CCDC102B: variants seen among roughly 807,000 people sequenced by gnomAD.
CCDC102B encodes the protein coiled-coil domain-containing protein 102B.
In CCDC102B, 75 loss-of-function variants were observed where a neutral mutation model predicts 57.4. The ratio of observed to expected loss-of-function variants is 1.31; its 90% CI spans 1.08 to 1.58. The LOEUF (loss-of-function observed/expected upper bound fraction) is 1.58. Among genes scored for constraint, CCDC102B ranks in the 40% most tolerant of loss-of-function variants. The pLI, the probability that CCDC102B is intolerant of heterozygous loss-of-function variation, is 0.00. For missense variants in CCDC102B, 636 were observed against 582.6 expected, an observed-to-expected ratio of 1.09 and a Z score of -0.94; for synonymous variants, 206 against 201.9, an observed-to-expected ratio of 1.02 and a Z score of -0.17.
chr18:68,995,667 G>T (rs553233044), intron 6 of CCDC102B, among the ~76,000 whole-genome samples: 1 of 152,108 alleles, frequency 6.6e-6, no homozygotes, highest in East Asian at 1.9e-4. Context: ...CAATGTCCAA[G>T]CAGAAGTTTG....
intron 7 of CCDC102B, among the ~76,000 whole-genome samples, chr18:69,038,947 A>G (rs779081578): frequency 3.3e-5 from 5 of 151,898 alleles, no homozygotes; most frequent in Non-Finnish European, 7.4e-5. Flanking sequence ...ACACATTTTT[A>G]TTAAATACTA....
intron 5 of CCDC102B, among the ~76,000 whole-genome samples, chr18:68,895,020 T>C (rs1418339550): frequency 6.6e-6 from 1 of 151,908 alleles, no homozygotes; most frequent in Non-Finnish European, 1.5e-5. Context: ...TTGCTCTCCT[T>C]ATATTAATTT....
intron 2 of CCDC102B, chr18:68,716,712 T>C (rs2032022860): frequency 6.6e-6 from 1 of 152,246 alleles, no homozygotes; most frequent in East Asian, 1.9e-4. Flanking sequence ...GGCAGGAGGA[T>C]TGCTTGAGGT....
chr18:69,016,496 ATAGATAAAG>A (rs1599852757), intron 7 of CCDC102B, among the ~76,000 whole-genome samples: 1 of 152,192 alleles, frequency 6.6e-6, no homozygotes, highest in East Asian at 1.9e-4. Context: ...TCATGCAAAA[ATAGATAAAG>A]GGGAAAAATC....
At chr18:69,018,386 C>A (rs957287461) in intron 7 of CCDC102B, among the ~76,000 whole-genome samples, 1 of 152,160 alleles carries the variant, frequency 6.6e-6, no homozygotes, top group African/African-American at 2.4e-5. Flanking sequence ...AATTTAGATT[C>A]TCACCAATAG....
At chr18:69,004,216 A>G (rs2051280336) in intron 6 of CCDC102B, among the ~76,000 whole-genome samples, 1 of 152,162 alleles carries the variant, frequency 6.6e-6, no homozygotes, top group African/African-American at 2.4e-5. Flanking sequence ...TGGGAAGCAG[A>G]TTCTGGAGAT....
rs112851670 is a variant in CCDC102B, at chr18:69,036,467, A to G, written c.1435-17563A>G. Among the ~76,000 whole-genome samples the G allele has an allele frequency of 1.3e-3, 201 of 152,236 alleles. 1 individual carries two copies. The highest frequency in any genetic ancestry group is 4.5e-3 in the African/African-American group (185 of 41,546). On this transcript the variant is annotated intron_variant, in intron 7 of 7. Transcript: ENST00000360242. ...AGGAATTATTCTGTACACAAAGTAA[A>G]TATTGAATTGGATTCATCTGGCATA...
chr18:68,911,683 C>A (rs112310400), intron 6 of CCDC102B, among the ~76,000 whole-genome samples: 8 of 126,362 alleles, frequency 6.3e-5, no homozygotes, highest in African/African-American at 2.3e-4. Context: ...ACCCGGGAGG[C>A]GGAGCTTGCA....
chr18:69,046,119 A>G (rs1033319299), intron 7 of CCDC102B, among the ~76,000 whole-genome samples: 6 of 152,122 alleles, frequency 3.9e-5, no homozygotes, highest in African/African-American at 1.2e-4. Context: ...ATACCCAACA[A>G]TGGGATTGCT....
intron 6 of CCDC102B, among the ~76,000 whole-genome samples, chr18:68,939,447 A>G (rs1403428946): frequency 4.0e-5 from 6 of 151,752 alleles, no homozygotes; most frequent in Admixed American, 3.3e-4. Flanking sequence ...TATTCCAAAC[A>G]TCATTCTTGA....
chr18:68,857,287 T>TAA (rs1223372782), intron 4 of CCDC102B, among the ~76,000 whole-genome samples: 743 of 7,994 alleles, frequency 0.093, 105 homozygotes, highest in African/African-American at 0.13. Flanking sequence ...AATATATATT[T>TAA]ATATATTATA....
chr18:68,950,453 G>A (rs867331131), intron 6 of CCDC102B, among the ~76,000 whole-genome samples: 7 of 152,010 alleles, frequency 4.6e-5, no homozygotes, highest in Middle Eastern at 3.4e-3. Flanking sequence ...AATGAAAATT[G>A]GCTAAAAGAA....
intron 6 of CCDC102B, among the ~76,000 whole-genome samples, chr18:68,959,651 A>G (rs1368992006): frequency 6.6e-6 from 1 of 152,052 alleles, no homozygotes; most frequent in Non-Finnish European, 1.5e-5. Flanking sequence ...AGGGGCAGCC[A>G]GTAATCTACT....
chr18:68,725,312 A>G (rs1335710207), intron 2 of CCDC102B, among the ~76,000 whole-genome samples: 1 of 152,232 alleles, frequency 6.6e-6, no homozygotes, highest in Non-Finnish European at 1.5e-5. Context: ...CTATTGCTGC[A>G]GTTTAAAGCA....
intron 6 of CCDC102B, among the ~76,000 whole-genome samples, chr18:68,913,841 T>C (rs572273604): frequency 6.6e-6 from 1 of 152,140 alleles, no homozygotes; most frequent in Non-Finnish European, 1.5e-5. Flanking sequence ...TTATTTCCAA[T>C]ATATGAATAA....
chr18:68,897,609 A>G, intron 6 of CCDC102B, 181 bp downstream of exon 6: 1 of 1,551,250 alleles, frequency 6.4e-7, no homozygotes, highest in African/African-American at 1.4e-5. Context: ...ATCTGAAACA[A>G]AGTGTGTCAA....
intron 1 of CCDC102B, among the ~76,000 whole-genome samples, chr18:68,803,401 G>GA (rs1437006486): frequency 1.3e-5 from 2 of 151,990 alleles, no homozygotes; most frequent in East Asian, 3.9e-4. Context: ...AGTACTGGAA[G>GA]AAAAAAAGAA....
intron 2 of CCDC102B, among the ~76,000 whole-genome samples, chr18:68,792,973 G>A (rs2035511078): frequency 6.6e-6 from 1 of 152,124 alleles, no homozygotes; most frequent in Admixed American, 6.6e-5. Context: ...ATATTTTCTA[G>A]ATTGATGCAA....
intron 2 of CCDC102B, among the ~76,000 whole-genome samples, chr18:68,730,463 A>C (rs891306543): frequency 6.6e-6 from 1 of 152,140 alleles, no homozygotes; most frequent in Non-Finnish European, 1.5e-5. Context: ...ACTCCGAAGA[A>C]ATATTTTGGA....
Sources: allele counts gnomAD v4.1 joint callset (sites outside exome capture counted in the v4.1 genomes callset), GRCh38; gene constraint gnomAD v4.1.1; transcripts MANE v1.5; gene names NCBI Gene and HGNC (gene_info 2026-07-23, HGNC 2026-07-21).